Variants in CNTN4 observed in about 807,000 individuals in gnomAD.
CNTN4 encodes contactin 4.
In CNTN4, 77 loss-of-function variants were observed where a neutral mutation model predicts 122.5. That is an observed-to-expected ratio of 0.63 (90% CI 0.52 to 0.76). CNTN4 has a LOEUF of 0.76. CNTN4 is among the 30% of genes least tolerant of loss of function. CNTN4 has a pLI of 0.00. For synonymous variants in CNTN4, 512 were observed against 447.0 expected (o/e 1.15, Z -1.83); for missense variants, 1,256 against 1,259.1 (o/e 1.00, Z 0.04).
At chr3:2,152,695 A>T (rs1256997091) in intron 2 of CNTN4, among the ~76,000 whole-genome samples, 1 of 152,198 alleles carries the variant, frequency 6.6e-6, no homozygotes, top group East Asian at 1.9e-4. Flanking sequence ...TGTGTAAAGC[A>T]GGAGACACCC....
chr3:2,785,961 G>A (rs66873483), intron 6 of CNTN4, among the ~76,000 whole-genome samples: 42,361 of 140,826 alleles, frequency 0.3, 6,356 homozygotes, highest in Non-Finnish European at 0.33. Flanking sequence ...GCAGAGAGGC[G>A]TGGCAGAGGA....
intron 4 of CNTN4, among the ~76,000 whole-genome samples, chr3:2,628,935 A>G (rs111886075): frequency 3.9e-5 from 6 of 152,292 alleles, no homozygotes; most frequent in African/African-American, 1.4e-4. Flanking sequence ...TTGTGTGGCA[A>G]ATAGGTTAGG....
intron 7 of CNTN4, among the ~76,000 whole-genome samples, chr3:2,852,779 C>A (rs1289391823): frequency 1.3e-5 from 2 of 152,038 alleles, no homozygotes; most frequent in Non-Finnish European, 2.9e-5. Context: ...CTTCACACAC[C>A]CAAGGTAAAG....
At chr3:2,585,537 T>C (rs2080153966) in intron 4 of CNTN4, among the ~76,000 whole-genome samples, 1 of 151,956 alleles carries the variant, frequency 6.6e-6, no homozygotes, top group Non-Finnish European at 1.5e-5. Context: ...ATGTCCTTTG[T>C]AGGGACATGG....
At chr3:2,162,737 C>A (rs889298900) in intron 2 of CNTN4, among the ~76,000 whole-genome samples, 2 of 152,132 alleles carry the variant, frequency 1.3e-5, no homozygotes, top group African/African-American at 4.8e-5. Context: ...TAGGAGAGAA[C>A]AATAATGATA....
intron 2 of CNTN4, among the ~76,000 whole-genome samples, chr3:2,212,979 A>ATT (rs111932173): frequency 2.6e-4 from 39 of 152,168 alleles, no homozygotes; most frequent in African/African-American, 7.9e-4. Context: ...ATTAATGTGG[A>ATT]TTTTTTTCCT....
At chr3:2,938,287 C>T (rs1049487474) in intron 13 of CNTN4, among the ~76,000 whole-genome samples, 1 of 151,916 alleles carries the variant, frequency 6.6e-6, no homozygotes, top group Non-Finnish European at 1.5e-5. Flanking sequence ...AAAAAATGAG[C>T]ATTTTCAACC....
chr3:2,436,167 C>A (rs909907642), intron 3 of CNTN4, among the ~76,000 whole-genome samples: 5 of 152,084 alleles, frequency 3.3e-5, no homozygotes, highest in African/African-American at 1.2e-4. Flanking sequence ...ATTCATTCAA[C>A]CAACATTTTT....
chr3:2,590,968 G>A (rs1490621357), intron 4 of CNTN4, among the ~76,000 whole-genome samples: 1 of 152,132 alleles, frequency 6.6e-6, no homozygotes, highest in East Asian at 1.9e-4. Flanking sequence ...ATATAACTGT[G>A]AAATCATCAT....
intron 2 of CNTN4, among the ~76,000 whole-genome samples, chr3:2,254,011 G>T (rs949207448): frequency 6.6e-6 from 1 of 151,970 alleles, no homozygotes; most frequent in Non-Finnish European, 1.5e-5. Flanking sequence ...TCTACATTGG[G>T]TATTTCTCCT....
At chr3:2,309,966 T>C (rs543819927) in intron 2 of CNTN4, among the ~76,000 whole-genome samples, 2 of 152,184 alleles carry the variant, frequency 1.3e-5, no homozygotes, top group Non-Finnish European at 2.9e-5. Context: ...AAAGCTTACT[T>C]GTATTAAATA....
chr3:2,908,145 A>T (rs2094258283), intron 12 of CNTN4, among the ~76,000 whole-genome samples: 1 of 152,212 alleles, frequency 6.6e-6, no homozygotes, highest in Non-Finnish European at 1.5e-5. Context: ...TCCCCCACTC[A>T]TGAAGGTGTA....
chr3:2,729,741 C>A (rs546325411), intron 4 of CNTN4, among the ~76,000 whole-genome samples: 2 of 151,544 alleles, frequency 1.3e-5, no homozygotes, highest in African/African-American at 4.9e-5. Context: ...GCTGAAACCC[C>A]GTCTCTACTA....
intron 3 of CNTN4, among the ~76,000 whole-genome samples, chr3:2,447,840 C>G (rs547070365): frequency 1.3e-5 from 2 of 152,220 alleles, no homozygotes; most frequent in East Asian, 1.9e-4. Flanking sequence ...TTATCTCTTT[C>G]AATCCCTCAA....
chr3:2,365,006 A>G (rs1278879366), intron 3 of CNTN4, among the ~76,000 whole-genome samples: 2 of 152,204 alleles, frequency 1.3e-5, no homozygotes, highest in Admixed American at 6.5e-5. Context: ...TTACAATACA[A>G]TACTTGATAT....
At chr3:2,367,904 A>G (rs1199825515) in intron 3 of CNTN4, among the ~76,000 whole-genome samples, 2 of 152,146 alleles carry the variant, frequency 1.3e-5, no homozygotes, top group African/African-American at 4.8e-5. Context: ...GATTGGCCTC[A>G]GGATCCGTAA....
intron 6 of CNTN4, among the ~76,000 whole-genome samples, chr3:2,754,655 C>T (rs1216934682): frequency 3.3e-5 from 5 of 150,948 alleles, no homozygotes; most frequent in East Asian, 1.9e-4. Context: ...GGAGTGCTTA[C>T]GTACAAAAGC....
chr3:2,146,122 TA>T (rs1317987084), intron 2 of CNTN4, among the ~76,000 whole-genome samples: 1 of 151,680 alleles, frequency 6.6e-6, no homozygotes, highest in African/African-American at 2.4e-5. Flanking sequence ...AAATAAATGA[TA>T]TTTTTTATCT....
At chr3:2,842,103 C>T (rs2093371892) in intron 7 of CNTN4, among the ~76,000 whole-genome samples, 1 of 152,130 alleles carries the variant, frequency 6.6e-6, no homozygotes, top group South Asian at 2.1e-4. Context: ...GTGTGTTCTT[C>T]AACATAAGGG....
Sources: gnomAD v4.1 joint callset for allele counts (sites outside exome capture counted in the v4.1 genomes callset) on GRCh38, gnomAD v4.1.1 for gene constraint, MANE v1.5 for transcripts, NCBI Gene and HGNC (gene_info 2026-07-23, HGNC 2026-07-21) for gene names.